The following NFAT5 variants were observed in gnomAD, a reference collection of about 807,000 sequenced individuals.
NFAT5 encodes the protein nuclear factor of activated T-cells 5.
NFAT5 carries 31 observed loss-of-function variants against 166.5 expected under a neutral mutation model. The observed-to-expected ratio is 0.19, with a 90% CI of 0.14 to 0.25. The LOEUF is 0.25. Ranked by LOEUF, NFAT5 falls within the 10% of genes least tolerant of loss-of-function variation. NFAT5 has a pLI of 1.00. For synonymous variants in NFAT5, 612 were observed against 639.7 expected (o/e 0.96, Z 0.65); for missense variants, 1,449 against 1,821.8 (o/e 0.80, Z 3.72).
intron 10 of NFAT5, 29 bp from the exon 11 acceptor site, chr16:69,684,858 G>C (rs1162631257): frequency 6.7e-7 from 1 of 1,485,556 alleles, no homozygotes; most frequent in East Asian, 2.3e-5. Context: ...AGTAAATGTA[G>C]ATAAATACAT....
chr16:69,604,612 T>C (rs2033307208), intron 2 of NFAT5, among the ~76,000 whole-genome samples: 1 of 152,126 alleles, frequency 6.6e-6, no homozygotes, highest in Non-Finnish European at 1.5e-5. Flanking sequence ...AACTGCACAA[T>C]AAATCAATCA....
chr16:69,624,675 T>A lies in NFAT5; in HGVS notation c.128-1728T>A, dbSNP rs148309851. Among the ~76,000 whole-genome samples the A allele has an allele frequency of 2.4e-3, 361 of 152,328 alleles. 1 individual carries two copies. Among genetic ancestry groups the A allele is most frequent in the Non-Finnish European group, 2.8e-3 (192 of 68,026 alleles). On this transcript the variant is annotated intron_variant, in intron 2 of 14. Transcript: ENST00000349945. Reference sequence around the variant, plus strand: ...TAGTGATTAACTAGGAAGCTCAAAGTATTTATGAATCCAGTAAGCAGTTAA... The same window carrying A: ...TAGTGATTAACTAGGAAGCTCAAAGAATTTATGAATCCAGTAAGCAGTTAA...
chr16:69,598,559 G>A (rs1337913352), intron 2 of NFAT5, among the ~76,000 whole-genome samples: 2 of 151,992 alleles, frequency 1.3e-5, no homozygotes, highest in African/African-American at 2.4e-5. Context: ...AAGATAATAA[G>A]TTCAGTTTGG....
At chr16:69,659,397 C>G (rs2036029247) in intron 6 of NFAT5, among the ~76,000 whole-genome samples, 2 of 151,842 alleles carry the variant, frequency 1.3e-5, no homozygotes, top group South Asian at 4.2e-4. Context: ...GAGCCGAGAT[C>G]ACGCCACTGC....
intron 14 of NFAT5, 84 bp downstream of exon 14, chr16:69,695,463 A>G (rs1465256577): frequency 6.7e-6 from 6 of 889,968 alleles, no homozygotes; most frequent in Non-Finnish European, 1.1e-5. Flanking sequence ...TAGTAGTTCT[A>G]ATCTTTTAAA....
chr16:69,594,728 G>C (rs902420954), intron 2 of NFAT5, among the ~76,000 whole-genome samples: 1 of 152,086 alleles, frequency 6.6e-6, no homozygotes, highest in Non-Finnish European at 1.5e-5. Flanking sequence ...AATAACTATT[G>C]TATTGTCAGG....
intron 9 of NFAT5, 98 bp downstream of exon 9, chr16:69,670,386 T>C: frequency 1.4e-6 from 1 of 712,342 alleles, no homozygotes; most frequent in Non-Finnish European, 2.4e-6. Flanking sequence ...AATTTCTTCT[T>C]CCTATGGGAT....
chr16:69,695,688 C>CAAA (rs35634481), intron 14 of NFAT5: 59 of 118,906 alleles, frequency 5.0e-4, no homozygotes, highest in Non-Finnish European at 9.0e-4. Context: ...CTAAAAAATA[C>CAAA]AAAAAAAAAA....
At chr16:69,574,626 T>C (rs1053861372) in intron 2 of NFAT5, among the ~76,000 whole-genome samples, 2 of 152,174 alleles carry the variant, frequency 1.3e-5, no homozygotes, top group Non-Finnish European at 2.9e-5. Flanking sequence ...TCAGTTACTT[T>C]TATTTGTTCT....
In NFAT5 at chr16:69,697,248, C is replaced by T. The variant is rs986441531; in HGVS notation, c.*897C>T. 1 of 152,248 alleles carries T rather than the reference C, an allele frequency of 6.6e-6. No homozygotes were observed. The highest frequency in any genetic ancestry group is 2.4e-5 in the African/African-American group (1 of 41,360). 9.4% of individuals were successfully genotyped at this position (152,248 alleles called of 1,614,324 possible). A position where few individuals can be genotyped will look rare whatever the true frequency, so the allele number is the denominator to read the frequency against. ...CTCTTTTTCACTTTACTTTAGAGAA[C>T]TATTAATATACTACTGGCTTCATGA... On this transcript the variant is annotated 3_prime_UTR_variant, in exon 15 of 15. Transcript: ENST00000349945.
chr16:69,685,571 G>A (rs894789920), intron 11 of NFAT5: 6 of 151,526 alleles, frequency 4.0e-5, no homozygotes, highest in Admixed American at 1.3e-4. Flanking sequence ...AGTGAAATAA[G>A]GCCAGGCACG....
chr16:69,648,730 T>A, intron 4 of NFAT5: 1 of 975,654 alleles, frequency 1.0e-6, no homozygotes, highest in East Asian at 1.1e-4. Context: ...AATTTAACTC[T>A]CTAGGACCCA....
chr16:69,658,106 A>T (rs2035969161), intron 6 of NFAT5, among the ~76,000 whole-genome samples: 1 of 151,514 alleles, frequency 6.6e-6, no homozygotes, highest in African/African-American at 2.4e-5. Context: ...TAAATAAAGT[A>T]AAATAAATAA....
chr16:69,702,099 G>C lies in NFAT5; in HGVS notation c.*5748G>C, dbSNP rs2037907728. On this transcript the variant is annotated 3_prime_UTR_variant, in exon 15 of 15. Transcript: ENST00000349945. ...GCTTTCCCCGTGCTAGTATTTCTGTGACTGTTAGTGGCACTGAGGACTGCA... is the reference window on the plus strand; with the variant it reads ...GCTTTCCCCGTGCTAGTATTTCTGTCACTGTTAGTGGCACTGAGGACTGCA... 1 of 152,596 alleles carries C rather than the reference G, an allele frequency of 6.6e-6. No individual in the cohort carries two copies. Among genetic ancestry groups the C allele is most frequent in the Non-Finnish European group, 1.5e-5 (1 of 68,040 alleles). 9.5% of individuals were successfully genotyped at this position (152,596 alleles called of 1,614,324 possible).
chr16:69,701,433 TAAAC>T lies in NFAT5; in HGVS notation c.*5086_*5089del, dbSNP rs2037896843. On this transcript the variant is annotated 3_prime_UTR_variant, in exon 15 of 15. Transcript: ENST00000349945. ...ATTTTTCACTATTTCCAAAAACACA[TAAAC>T]AAATAGTTTCAGTAGGTCCCAGCTT... is the stretch of plus-strand genomic sequence containing the variant. 1 of 152,770 alleles carries T rather than the reference TAAAC, an allele frequency of 6.5e-6. No individual in the cohort carries two copies. Among genetic ancestry groups the T allele is most frequent in the South Asian group, 2.1e-4 (1 of 4,832 alleles). 9.5% of individuals were successfully genotyped at this position (152,770 alleles called of 1,614,324 possible).
chr16:69,625,276 TAAA>T (rs1475761566), intron 2 of NFAT5, among the ~76,000 whole-genome samples: 2 of 152,020 alleles, frequency 1.3e-5, no homozygotes, highest in Non-Finnish European at 2.9e-5. Context: ...TTATTTCTGT[TAAA>T]AACCTATACA....
chr16:69,648,433 G>T, intron 4 of NFAT5: 2 of 982,550 alleles, frequency 2.0e-6, no homozygotes, highest in Non-Finnish European at 2.4e-6. Flanking sequence ...CTAATACATT[G>T]ATTGTACAGA....
chr16:69,682,567 C>T (rs1336504076), intron 10 of NFAT5, among the ~76,000 whole-genome samples: 2 of 151,754 alleles, frequency 1.3e-5, no homozygotes, highest in Admixed American at 6.6e-5. Context: ...TCCAGTAAGC[C>T]GTGATCATGC....
intron 9 of NFAT5, among the ~76,000 whole-genome samples, chr16:69,671,838 C>G (rs550682095): frequency 6.6e-6 from 1 of 152,300 alleles, no homozygotes; most frequent in East Asian, 1.9e-4. Flanking sequence ...AGAGAATTAC[C>G]AAGCAGGGAA....
Sources: allele counts gnomAD v4.1 joint callset (sites outside exome capture counted in the v4.1 genomes callset), GRCh38; gene constraint gnomAD v4.1.1; transcripts MANE v1.5; gene names NCBI Gene and HGNC (gene_info 2026-07-23, HGNC 2026-07-21).